ARV1: variants seen among roughly 807,000 people sequenced by gnomAD.
ARV1 encodes the protein ARV1 fatty acid homeostasis modulator, also known as protein ARV1.
Under a neutral mutation model 31.1 loss-of-function variants are expected in ARV1, and 26 were observed. The observed-to-expected ratio is 0.84, with a 90% CI of 0.61 to 1.16. The LOEUF (loss-of-function observed/expected upper bound fraction) is 1.16, where lower values mean the gene tolerates loss of function less well. Ranked by LOEUF, ARV1 falls within the 50% of genes most tolerant of loss-of-function variation. The pLI is 0.00. For synonymous variants in ARV1, 117 were observed against 123.2 expected (o/e 0.95, Z 0.34); for missense variants, 281 against 324.9 (o/e 0.86, Z 1.04).
At chr1:230,986,462 C>T (rs897715213) in intron 1 of ARV1, among the ~76,000 whole-genome samples, 1 of 152,002 alleles carries the variant, frequency 6.6e-6, no homozygotes, top group African/African-American at 2.4e-5. Flanking sequence ...TTTTTACACT[C>T]GCAACTCTTC....
At chr1:230,987,732 T>A (rs943149510) in intron 1 of ARV1, among the ~76,000 whole-genome samples, 8 of 152,206 alleles carry the variant, frequency 5.3e-5, no homozygotes, top group Admixed American at 2.0e-4. Flanking sequence ...TTTCTTTCCA[T>A]ATCCTTGATG....
chr1:230,983,844 T>C (rs1338541699), intron 1 of ARV1, among the ~76,000 whole-genome samples: 1 of 152,214 alleles, frequency 6.6e-6, no homozygotes, highest in African/African-American at 2.4e-5. Flanking sequence ...CCTTGCGTTG[T>C]AGGGATTCTT....
Position 231,000,249 on chromosome 1 carries a change from A to C in ARV1, c.*116A>C, listed in dbSNP as rs930814065. ...TTGAGTAAAATGAAGCAAAGATTGG[A>C]AACACTTTCTGAAAAAGAAAGCAAT... On this transcript the variant is annotated 3_prime_UTR_variant, in exon 6 of 6. Coordinates refer to ENST00000310256, the MANE Select transcript of ARV1 (RefSeq NM_022786.3). 6.6e-6 allele frequency: 1 copy of C among 152,256 alleles called. No homozygotes were observed. Among genetic ancestry groups the C allele is most frequent in the Non-Finnish European group, 1.5e-5 (1 of 68,050 alleles). The allele number at this position is 152,256 out of a possible 1,614,324, so 9.4% of individuals were successfully genotyped here.
chr1:230,979,515 C>CA (rs1322043197), intron 1 of ARV1: 7 of 507,754 alleles, frequency 1.4e-5, no homozygotes, highest in Non-Finnish European at 3.4e-6. Flanking sequence ...GACCGACAGA[C>CA]AGAGGTAGAT....
chr1:230,979,707 G>A (rs1274977345), intron 1 of ARV1, among the ~76,000 whole-genome samples: 4 of 152,136 alleles, frequency 2.6e-5, no homozygotes, highest in Non-Finnish European at 5.9e-5. Flanking sequence ...GTTATTGGAT[G>A]TCTACGGTGT....
intron 1 of ARV1, among the ~76,000 whole-genome samples, chr1:230,984,078 C>G (rs1444363663): frequency 6.6e-6 from 1 of 152,056 alleles, no homozygotes; most frequent in South Asian, 2.1e-4. Context: ...TGTCCCCCAC[C>G]CATCTATACT....
At chr1:230,991,174 A>G (rs963312810) in intron 3 of ARV1, among the ~76,000 whole-genome samples, 1 of 152,106 alleles carries the variant, frequency 6.6e-6, no homozygotes, top group Non-Finnish European at 1.5e-5. Context: ...TGACTATTTT[A>G]TTGCTAGTTC....
At chr1:230,985,423 C>T (rs898491969) in intron 1 of ARV1, among the ~76,000 whole-genome samples, 5 of 152,108 alleles carry the variant, frequency 3.3e-5, no homozygotes, top group Admixed American at 2.0e-4. Flanking sequence ...GAAACTGTGG[C>T]TGAAGGTGAA....
At position 230,988,405 on chromosome 1, in the gene ARV1, C is replaced by T; in HGVS notation, c.260C>T (p.Ala87Val). Residue 87 changes from alanine (A) to valine (V), a missense_variant, in exon 2 of 6, where the codon GCC becomes GTC. Coordinates refer to ENST00000310256, the MANE Select transcript of ARV1 (RefSeq NM_022786.3). Reference sequence around the variant, plus strand: ...AATGCTATATTGTGCAAAGCTCAGGCCTACAGACATATTCTTTTCAATACT... The same window carrying T: ...AATGCTATATTGTGCAAAGCTCAGGTCTACAGACATATTCTTTTCAATACT... Reference protein sequence around the residue: ...LINAILCKAQAYRHILFNTQI... With the variant: ...LINAILCKAQVYRHILFNTQI... 4 of 1,590,676 alleles carry T rather than the reference C, an allele frequency of 2.5e-6. No homozygotes were observed. Among genetic ancestry groups the T allele is most frequent in the Non-Finnish European group, 3.4e-6 (4 of 1,164,704 alleles).
At chr1:230,981,117 C>T (rs1208289929) in intron 1 of ARV1, among the ~76,000 whole-genome samples, 1 of 152,150 alleles carries the variant, frequency 6.6e-6, no homozygotes, top group African/African-American at 2.4e-5. Flanking sequence ...GCTGTTACCC[C>T]TCAATCTCCT....
intron 3 of ARV1, among the ~76,000 whole-genome samples, 164 bp from the exon 4 acceptor site, chr1:230,995,596 A>AAC (rs1553305407): frequency 2.8e-5 from 4 of 143,268 alleles, no homozygotes; most frequent in African/African-American, 8.3e-5. Context: ...AAAAAAAAAC[A>AAC]ACACACAAAC....
intron 1 of ARV1, among the ~76,000 whole-genome samples, chr1:230,986,003 G>A (rs115253527): frequency 6.6e-6 from 1 of 151,584 alleles, no homozygotes; most frequent in African/African-American, 2.4e-5. Context: ...TGTAAGCTCC[G>A]CCTCCTGGGT....
chr1:230,986,605 A>G (rs968315065), intron 1 of ARV1, among the ~76,000 whole-genome samples: 3 of 150,496 alleles, frequency 2.0e-5, no homozygotes, highest in East Asian at 2.0e-4. Flanking sequence ...ATGGAACCCA[A>G]TTACCATCCA....
chr1:230,989,670 T>C (rs1679176167), intron 2 of ARV1, among the ~76,000 whole-genome samples: 1 of 152,240 alleles, frequency 6.6e-6, no homozygotes, highest in African/African-American at 2.4e-5. Flanking sequence ...AATCTTCAGA[T>C]TAAGTCTATT....
At chr1:230,997,078 G>A (rs139150516) in intron 4 of ARV1, 43 bp from the exon 5 acceptor site, 43 of 1,592,946 alleles carry the variant, frequency 2.7e-5, no homozygotes, top group Middle Eastern at 1.7e-4. Flanking sequence ...TGTCAATATC[G>A]TTTCATTAAT....
chr1:230,990,385 G>C (rs1433510704), intron 3 of ARV1, 122 bp downstream of exon 3: 2 of 1,305,026 alleles, frequency 1.5e-6, no homozygotes, highest in African/African-American at 3.0e-5. Context: ...GACTTAAGAT[G>C]AAATTTTCAG....
chr1:230,998,514 G>C (rs1225341668), intron 5 of ARV1, among the ~76,000 whole-genome samples: 1 of 152,114 alleles, frequency 6.6e-6, no homozygotes, highest in Non-Finnish European at 1.5e-5. Flanking sequence ...CTTCATTCCA[G>C]AACAGTTGAT....
At chr1:230,990,463 G>A (rs542805006) in intron 3 of ARV1, 200 bp downstream of exon 3, 32 of 575,430 alleles carry the variant, frequency 5.6e-5, no homozygotes, top group Middle Eastern at 4.7e-4. Flanking sequence ...TTGTTACCAC[G>A]TATATGGTAT....
intron 1 of ARV1, among the ~76,000 whole-genome samples, chr1:230,983,731 G>T (rs531275082): frequency 6.6e-5 from 10 of 152,202 alleles, no homozygotes; most frequent in Non-Finnish European, 1.5e-4. Context: ...TTCTAAAAGA[G>T]ATCTGATTCA....
Sources: allele counts gnomAD v4.1 joint callset (sites outside exome capture counted in the v4.1 genomes callset), GRCh38; gene constraint gnomAD v4.1.1; transcripts MANE v1.5; gene names NCBI Gene and HGNC (gene_info 2026-07-23, HGNC 2026-07-21).